The following DCDC1 variants were observed in gnomAD, a reference collection of about 807,000 sequenced individuals.
DCDC1 encodes doublecortin domain-containing protein 1.
In DCDC1, 200 loss-of-function variants were observed where a neutral mutation model predicts 178.3. That is an observed-to-expected ratio of 1.12 (90% CI 1.00 to 1.26). The LOEUF (loss-of-function observed/expected upper bound fraction) is 1.26, where lower values mean the gene tolerates loss of function less well. Ranked by LOEUF, DCDC1 falls within the 50% of genes most tolerant of loss-of-function variation. The probability of loss-of-function intolerance (pLI) is 0.00; values close to 1 mark genes in which losing one functional copy is unlikely to be tolerated. For synonymous variants in DCDC1, 690 were observed against 604.8 expected (o/e 1.14, Z -2.07); for missense variants, 1,983 against 1,749.2 (o/e 1.13, Z -2.38).
intron 21 of DCDC1, chr11:30,943,364 T>C (rs163853): frequency 0.055 from 10,443 of 189,358 alleles, 1,179 homozygotes; most frequent in African/African-American, 0.23. Flanking sequence ...CGTCTCCTTT[T>C]CCCCCCTCTT....
intron 21 of DCDC1, among the ~76,000 whole-genome samples, chr11:30,935,356 T>TC (rs929575587): frequency 6.6e-6 from 1 of 152,170 alleles, no homozygotes; most frequent in African/African-American, 2.4e-5. Context: ...TTTTCTAAAT[T>TC]CCCACAAGGT....
chr11:31,103,357 C>CAAATAAAA (rs1245521975), intron 14 of DCDC1, among the ~76,000 whole-genome samples: 1 of 151,974 alleles, frequency 6.6e-6, no homozygotes, highest in Non-Finnish European at 1.5e-5. Flanking sequence ...TAGAAATAAC[C>CAAATAAAA]ACTAAAAACA....
chr11:31,041,993 A>G (rs542646603), intron 20 of DCDC1, among the ~76,000 whole-genome samples: 5 of 152,236 alleles, frequency 3.3e-5, no homozygotes, highest in Non-Finnish European at 7.3e-5. Flanking sequence ...GAAGCCCCAC[A>G]AACACAAGCT....
At chr11:31,331,346 C>A (rs1054857786) in intron 2 of DCDC1, among the ~76,000 whole-genome samples, 9 of 152,172 alleles carry the variant, frequency 5.9e-5, no homozygotes, top group Admixed American at 5.2e-4. Context: ...ATTTGACTTC[C>A]TCTTTTCCTA....
rs142052638 is a variant in DCDC1 at position 31,311,997 on chromosome 11, G to A, written c.165-4089C>T. 3.9e-5 allele frequency among the ~76,000 whole-genome samples: 6 copies of A among 152,038 alleles called. No individual in the cohort carries two copies. In the East Asian group the frequency reaches 9.7e-4, roughly 24 times the overall value. The stretch of plus-strand genomic sequence containing the variant: ...GTGTTCCCAAAGATTCTAGTGCTTG[G>A]GGCCAGAAGAATCTAGTATAGGGAT... On this transcript the variant is annotated intron_variant, in intron 3 of 38. Transcript: ENST00000684477.
chr11:31,324,500 C>T (rs554822265), intron 3 of DCDC1, among the ~76,000 whole-genome samples: 1 of 151,958 alleles, frequency 6.6e-6, no homozygotes, highest in East Asian at 1.9e-4. Flanking sequence ...ATATGTAGAT[C>T]TGCAGAAATA....
intron 20 of DCDC1, among the ~76,000 whole-genome samples, chr11:30,976,356 T>C (rs1950101157): frequency 6.6e-6 from 1 of 152,074 alleles, no homozygotes; most frequent in Non-Finnish European, 1.5e-5. Flanking sequence ...CTAAAAAGCT[T>C]CTGCACAGCA....
chr11:31,160,698 T>C (rs1353718556), intron 9 of DCDC1, among the ~76,000 whole-genome samples: 4 of 152,166 alleles, frequency 2.6e-5, no homozygotes, highest in Non-Finnish European at 4.4e-5. Context: ...CCAGGGTTAG[T>C]CCTGTCTCAG....
In DCDC1 at chr11:31,301,457, T is replaced by C. The variant is rs77044953; in HGVS notation, c.754+4158A>G. On this transcript the variant is annotated intron_variant, in intron 6 of 38. Coordinates refer to ENST00000684477, the MANE Select transcript of DCDC1 (RefSeq NM_001387274.1). ...GTCTTGAGATCTAGCAGCAGAAATATTAAGGTATGATGTGATGTGAGTAGT... is the reference window on the plus strand; with the variant it reads ...GTCTTGAGATCTAGCAGCAGAAATACTAAGGTATGATGTGATGTGAGTAGT... Among the ~76,000 whole-genome samples the C allele has an allele frequency of 0.018, 2,760 of 152,258 alleles. 232 individuals carry two copies. In the East Asian group the frequency reaches 0.27, roughly 15 times the overall value.
intron 3 of DCDC1, among the ~76,000 whole-genome samples, chr11:31,316,349 A>G (rs12365762): frequency 0.24 from 29,937 of 125,898 alleles, 3,553 homozygotes; most frequent in African/African-American, 0.28. Context: ...TTGCCATTCT[A>G]ACTGGTGTGA....
intron 18 of DCDC1, among the ~76,000 whole-genome samples, chr11:31,073,754 C>A (rs1956705939): frequency 6.6e-6 from 1 of 152,142 alleles, no homozygotes; most frequent in African/African-American, 2.4e-5. Flanking sequence ...TTTGACATTT[C>A]ATTGATGTGT....
intron 10 of DCDC1, among the ~76,000 whole-genome samples, chr11:31,132,192 A>G (rs1246182220): frequency 1.3e-5 from 2 of 152,230 alleles, no homozygotes; most frequent in African/African-American, 4.8e-5. Context: ...CATATCTTAA[A>G]CACAGGAGAA....
chr11:31,037,030 C>T (rs1466250522), intron 20 of DCDC1, among the ~76,000 whole-genome samples: 1 of 152,162 alleles, frequency 6.6e-6, no homozygotes, highest in Admixed American at 6.5e-5. Flanking sequence ...AGTATTTAAA[C>T]TGAAGCAGCC....
chr11:30,954,838 T>C (rs982403184), intron 20 of DCDC1, among the ~76,000 whole-genome samples: 4 of 152,226 alleles, frequency 2.6e-5, no homozygotes, highest in African/African-American at 7.2e-5. Context: ...TGTATTTCTC[T>C]TCTTTGCTCT....
chr11:31,112,671 G>C (rs1365126286), intron 11 of DCDC1, among the ~76,000 whole-genome samples: 1 of 152,152 alleles, frequency 6.6e-6, no homozygotes, highest in African/African-American at 2.4e-5. Context: ...GAAACATGTA[G>C]AAATAGGAAT....
At chr11:30,957,328 G>T (rs1016061607) in intron 20 of DCDC1, among the ~76,000 whole-genome samples, 3 of 152,002 alleles carry the variant, frequency 2.0e-5, no homozygotes, top group Non-Finnish European at 4.4e-5. Flanking sequence ...ACCTTAAAAG[G>T]CTCATCTCCT....
At chr11:30,891,430 T>A (rs1016342616) in intron 36 of DCDC1, among the ~76,000 whole-genome samples, 2 of 152,134 alleles carry the variant, frequency 1.3e-5, no homozygotes, top group African/African-American at 4.8e-5. Flanking sequence ...TTATTGTAAG[T>A]TTTTTCTACC....
At chr11:30,903,947 T>C (rs1944888668) in intron 31 of DCDC1, 2 of 260,278 alleles carry the variant, frequency 7.7e-6, no homozygotes, top group African/African-American at 2.2e-5. Context: ...TATATTAATA[T>C]ATTTTAGCAT....
intron 13 of DCDC1, among the ~76,000 whole-genome samples, chr11:31,104,983 A>G (rs772732739): frequency 1.6e-4 from 24 of 152,130 alleles, no homozygotes; most frequent in Non-Finnish European, 2.6e-4. Flanking sequence ...TCTTTTACAA[A>G]TGAGTAGCTT....
Sources: allele counts gnomAD v4.1 joint callset (sites outside exome capture counted in the v4.1 genomes callset), GRCh38; gene constraint gnomAD v4.1.1; transcripts MANE v1.5; gene names NCBI Gene and HGNC (gene_info 2026-07-23, HGNC 2026-07-21).